Variants in SFMBT2 observed in about 807,000 individuals in gnomAD.
The protein encoded by SFMBT2 is Scm like with four mbt domains 2, also known as scm-like with four MBT domains protein 2.
Under a neutral mutation model 110.1 loss-of-function variants are expected in SFMBT2, and 38 were observed. The observed-to-expected ratio is 0.35, with a 90% confidence interval of 0.27 to 0.45. The LOEUF is 0.45. SFMBT2 is among the 20% of genes least tolerant of loss of function. The pLI is 1.00. For missense variants in SFMBT2, 1,011 were observed against 1,094.9 expected, an observed-to-expected ratio of 0.92 and a Z score of 1.08; for synonymous variants, 425 against 425.4, an observed-to-expected ratio of 1.00 and a Z score of 0.01.
At chr10:7,257,394 G>C (rs997918362) in intron 7 of SFMBT2, among the ~76,000 whole-genome samples, 3 of 152,102 alleles carry the variant, frequency 2.0e-5, no homozygotes, top group African/African-American at 7.2e-5. Context: ...GCCTGGAAAG[G>C]GACAGCACCT....
intron 9 of SFMBT2, chr10:7,241,389 C>T: frequency 2.2e-6 from 2 of 924,066 alleles, no homozygotes; most frequent in Non-Finnish European, 2.6e-6. Context: ...CACCATTACT[C>T]AATATTCTAC....
At chr10:7,375,683 G>A (rs1316992278) in intron 2 of SFMBT2, among the ~76,000 whole-genome samples, 3 of 150,870 alleles carry the variant, frequency 2.0e-5, no homozygotes, top group African/African-American at 7.3e-5. Flanking sequence ...CAGTCCTCAC[G>A]GCACAAAGGT....
intron 4 of SFMBT2, among the ~76,000 whole-genome samples, chr10:7,296,622 G>T (rs1842414563): frequency 6.6e-6 from 1 of 152,182 alleles, no homozygotes; most frequent in South Asian, 2.1e-4. Flanking sequence ...CTGACAAAAT[G>T]AGTTGGCCTC....
At chr10:7,348,215 G>C (rs1057436867) in intron 4 of SFMBT2, 2 of 1,305,254 alleles carry the variant, frequency 1.5e-6, no homozygotes, top group Non-Finnish European at 1.0e-6. Context: ...AGGGTGGTGG[G>C]AGAGGTTCGT....
At chr10:7,370,846 A>G in intron 2 of SFMBT2, 3 of 973,202 alleles carry the variant, frequency 3.1e-6, no homozygotes, top group Non-Finnish European at 3.7e-6. Flanking sequence ...TTTTAAGGGG[A>G]AAAAGAGAAA....
At chr10:7,204,800 G>A (rs528774585) in intron 12 of SFMBT2, 22 of 279,110 alleles carry the variant, frequency 7.9e-5, no homozygotes, top group Non-Finnish European at 1.1e-4. Flanking sequence ...TTGAACCCGG[G>A]AGGTGGAGGT....
intron 8 of SFMBT2, among the ~76,000 whole-genome samples, chr10:7,246,894 G>A (rs1840633034): frequency 6.6e-6 from 1 of 152,038 alleles, no homozygotes; most frequent in Admixed American, 6.6e-5. Context: ...GAACAAAGGG[G>A]AATTCTGGCT....
At chr10:7,242,286 T>C (rs1057455034) in intron 9 of SFMBT2, among the ~76,000 whole-genome samples, 5 of 152,282 alleles carry the variant, frequency 3.3e-5, no homozygotes, top group African/African-American at 1.2e-4. Flanking sequence ...GAAGCAGTGA[T>C]GTGGCTCAGG....
At chr10:7,183,267 A>G (rs1303052857) in intron 16 of SFMBT2, among the ~76,000 whole-genome samples, 1 of 152,216 alleles carries the variant, frequency 6.6e-6, no homozygotes, top group Non-Finnish European at 1.5e-5. Context: ...TTGCCATCCC[A>G]GCACCTCTGC....
chr10:7,159,605 G>C lies in SFMBT2; in HGVS notation c.*4165C>G, dbSNP rs1173484638. 2 of 152,042 alleles carry C rather than the reference G, an allele frequency of 1.3e-5. No homozygotes were observed. Among genetic ancestry groups the C allele is most frequent in the Non-Finnish European group, 2.9e-5 (2 of 68,012 alleles). 9.4% of individuals were successfully genotyped at this position (152,042 alleles called of 1,614,324 possible). ...AACAATTTCTTCCTTAACAACTACA[G>C]GTTTCTTAATTGACTATGTTGCCTT... On this transcript the variant is annotated 3_prime_UTR_variant, in exon 21 of 21. Transcript: ENST00000397167.
intron 4 of SFMBT2, among the ~76,000 whole-genome samples, chr10:7,354,087 C>CAAAA (rs35454902): frequency 4.9e-4 from 61 of 123,366 alleles, no homozygotes; most frequent in African/African-American, 1.6e-3. Context: ...ACTCCCTCTC[C>CAAAA]AAAAAAAAAA....
chr10:7,337,068 T>C (rs1179813835), intron 4 of SFMBT2, among the ~76,000 whole-genome samples: 4 of 152,244 alleles, frequency 2.6e-5, no homozygotes, highest in Non-Finnish European at 5.9e-5. Flanking sequence ...TGATGCACCA[T>C]GACTTACTGT....
At chr10:7,369,493 G>C (rs1845004445) in intron 3 of SFMBT2, among the ~76,000 whole-genome samples, 1 of 152,122 alleles carries the variant, frequency 6.6e-6, no homozygotes. Flanking sequence ...AAAATTTTCT[G>C]GGACTTGCCC....
intron 1 of SFMBT2, among the ~76,000 whole-genome samples, chr10:7,392,702 CAA>C (rs1334563172): frequency 1.3e-5 from 2 of 151,904 alleles, no homozygotes; most frequent in Non-Finnish European, 2.9e-5. Flanking sequence ...TTTCTTTTGA[CAA>C]GAGAGAATGT....
At chr10:7,342,610 C>CCAGG (rs1018103775) in intron 4 of SFMBT2, among the ~76,000 whole-genome samples, 1 of 151,900 alleles carries the variant, frequency 6.6e-6, no homozygotes, top group African/African-American at 2.4e-5. Context: ...AGGGTTTCAC[C>CCAGG]ATGGTCTCGA....
chr10:7,262,164 T>C (rs144912570), intron 7 of SFMBT2, among the ~76,000 whole-genome samples: 9,596 of 152,282 alleles, frequency 0.063, 401 homozygotes, highest in Admixed American at 0.089. Flanking sequence ...GGAGCAAGTG[T>C]CTGTTCATGA....
In SFMBT2 at chr10:7,172,055, A is replaced by C; in HGVS notation, c.2255T>G (p.Val752Gly). The C allele has an allele frequency of 6.3e-7, 1 of 1,598,490 alleles. No homozygotes were observed. Among genetic ancestry groups the C allele is most frequent in the Non-Finnish European group, 8.5e-7 (1 of 1,172,844 alleles). The change falls in exon 19 of 21, where the codon GTG (valine) becomes GGG (glycine). Residue 752 changes from valine to glycine, a missense_variant. Val to Gly is a moderately radical substitution (Grantham distance 109). Around this residue, in one of 2 missense-constraint regions of SFMBT2, gnomAD observed 979 missense variants for 1,016.1 expected, o/e 0.96. Transcript: ENST00000397167. This position sits in a 1 kb window ranked among gnomAD's most constrained non-coding sequence, Gnocchi z 4.6. The stretch of plus-strand genomic sequence containing the variant: ...GGCCCTCCGGGGCCGGGCCGAGGGC[A>C]CCTCCGCCGACGAGGTGTCCGTCTG... ...DDQTDTSSAE[V>G]PSARPRRAVT...
chr10:7,283,577 C>A (rs1187730531), intron 6 of SFMBT2, among the ~76,000 whole-genome samples: 1 of 152,166 alleles, frequency 6.6e-6, no homozygotes, highest in African/African-American at 2.4e-5. Context: ...AACCTACTTA[C>A]AAGACTATCA....
rs575532515 is a variant in SFMBT2 at position 7,363,568 on chromosome 10, G to A, written c.436+4081C>T. On this transcript the variant is annotated intron_variant, in intron 4 of 20. Transcript: ENST00000397167. ...TCACCATGTTGGCCAGGCTTGTCTCGAACGCCTGACCTCGTGATCCGCCCG... is the reference window on the plus strand; with the variant it reads ...TCACCATGTTGGCCAGGCTTGTCTCAAACGCCTGACCTCGTGATCCGCCCG... Among the ~76,000 whole-genome samples, 33 of 152,168 alleles carry A rather than the reference G, an allele frequency of 2.2e-4. No homozygotes were observed. In the East Asian group the frequency reaches 3.9e-3, roughly 18 times the overall value.
Sources: allele counts gnomAD v4.1 joint callset (sites outside exome capture counted in the v4.1 genomes callset), GRCh38; gene constraint gnomAD v4.1.1; regional missense constraint gnomAD v4.1.1; non-coding constraint Gnocchi (gnomAD v3.1); transcripts MANE v1.5; gene names NCBI Gene and HGNC (gene_info 2026-07-23, HGNC 2026-07-21).